Variants in PDE4B observed in about 807,000 individuals in gnomAD.
PDE4B encodes the protein 3',5'-cyclic-AMP phosphodiesterase 4B.
Under a neutral mutation model 82.2 loss-of-function variants are expected in PDE4B, and 20 were observed. The observed-to-expected ratio is 0.24, with a 90% CI of 0.17 to 0.35. The LOEUF (loss-of-function observed/expected upper bound fraction) is 0.35. Among genes scored for constraint, PDE4B ranks in the 10% least tolerant of loss-of-function variants. The pLI, the probability that PDE4B is intolerant of heterozygous loss-of-function variation, is 1.00. For synonymous variants in PDE4B, 320 were observed against 318.9 expected (o/e 1.00, Z -0.04); for missense variants, 655 against 907.2 (o/e 0.72, Z 3.57).
intron 3 of PDE4B, among the ~76,000 whole-genome samples, chr1:66,214,251 T>C (rs1305760444): frequency 1.2e-4 from 19 of 152,218 alleles, no homozygotes; most frequent in Non-Finnish European, 2.6e-4. Flanking sequence ...ATTTAGACTT[T>C]AAATGAAGAA....
In PDE4B at chr1:66,084,901, C is replaced by G. The variant is rs116218127; in HGVS notation, c.282-162559C>G. On this transcript the variant is annotated intron_variant, in intron 3 of 16. Transcript: ENST00000341517. ...CTTGTTTTGGTTGGAAACAGAGGTACTGATCAAGAAACCAAAGTGAACAGC... is the reference window on the plus strand; with the variant it reads ...CTTGTTTTGGTTGGAAACAGAGGTAGTGATCAAGAAACCAAAGTGAACAGC... 6.7e-3 allele frequency among the ~76,000 whole-genome samples: 1,026 copies of G among 152,184 alleles called. 14 individuals carry two copies. Among genetic ancestry groups the G allele is most frequent in the African/African-American group, 0.023 (954 of 41,520 alleles).
intron 4 of PDE4B, among the ~76,000 whole-genome samples, chr1:66,250,756 G>C (rs12036928): frequency 6.6e-6 from 1 of 152,206 alleles, no homozygotes; most frequent in African/African-American, 2.4e-5. Flanking sequence ...AGTAAGGCCA[G>C]TTTTACTGCT....
chr1:66,269,917 A>G (rs1022302716), intron 7 of PDE4B, among the ~76,000 whole-genome samples: 1 of 152,238 alleles, frequency 6.6e-6, no homozygotes, highest in Non-Finnish European at 1.5e-5. Flanking sequence ...TTAGCAGCCA[A>G]TTTGATACAT....
chr1:66,159,405 A>AT (rs1185555240), intron 3 of PDE4B, among the ~76,000 whole-genome samples: 6,574 of 138,598 alleles, frequency 0.047, 209 homozygotes, highest in African/African-American at 0.093. Context: ...ACGCCCAGCT[A>AT]TTTTTTTTTT....
chr1:65,904,985 C>T (rs1392629137), intron 1 of PDE4B, among the ~76,000 whole-genome samples: 1 of 152,124 alleles, frequency 6.6e-6, no homozygotes, highest in African/African-American at 2.4e-5. Context: ...GATTCTATTT[C>T]CTGCCCCCTC....
intron 3 of PDE4B, among the ~76,000 whole-genome samples, chr1:66,100,872 T>C (rs1286734431): frequency 6.6e-6 from 1 of 152,224 alleles, no homozygotes; most frequent in Non-Finnish European, 1.5e-5. Context: ...AGGGTACATG[T>C]GCACAACGTG....
At chr1:66,045,292 T>G (rs1298095603) in intron 3 of PDE4B, among the ~76,000 whole-genome samples, 1 of 151,762 alleles carries the variant, frequency 6.6e-6, no homozygotes, top group Admixed American at 6.6e-5. Flanking sequence ...CCCTTCATTT[T>G]AGAATCTCAA....
At chr1:65,901,171 T>C (rs1394533261) in intron 1 of PDE4B, among the ~76,000 whole-genome samples, 1 of 152,098 alleles carries the variant, frequency 6.6e-6, no homozygotes, top group Non-Finnish European at 1.5e-5. Context: ...GAAGGGATGT[T>C]GGATTTTATT....
At chr1:65,953,478 G>T (rs566497857) in intron 3 of PDE4B, among the ~76,000 whole-genome samples, 56 of 152,098 alleles carry the variant, frequency 3.7e-4, no homozygotes, top group Non-Finnish European at 3.2e-4. Context: ...CAGAGAAGGA[G>T]ATGTAACAAA....
intron 3 of PDE4B, among the ~76,000 whole-genome samples, chr1:66,105,229 T>A (rs909383245): frequency 4.1e-5 from 6 of 145,878 alleles, no homozygotes; most frequent in Non-Finnish European, 9.2e-5. Context: ...TTGTCATGTT[T>A]GTCAAAGATC....
At chr1:66,108,342 A>G (rs1019319685) in intron 3 of PDE4B, among the ~76,000 whole-genome samples, 1 of 151,992 alleles carries the variant, frequency 6.6e-6, no homozygotes, top group African/African-American at 2.4e-5. Context: ...TGAGACTGTG[A>G]AACTACTAGA....
intron 1 of PDE4B, among the ~76,000 whole-genome samples, chr1:65,881,643 A>G (rs914212767): frequency 6.6e-6 from 1 of 152,150 alleles, no homozygotes; most frequent in Admixed American, 6.6e-5. Flanking sequence ...ACGACCCACA[A>G]TGGGCATAGT....
At chr1:66,324,912 C>T (rs1216837310) in intron 7 of PDE4B, among the ~76,000 whole-genome samples, 5 of 152,046 alleles carry the variant, frequency 3.3e-5, no homozygotes, top group South Asian at 2.1e-4. Flanking sequence ...GAGTGTGCTT[C>T]ATTTACCAAA....
At chr1:66,154,841 G>A (rs1285503875) in intron 3 of PDE4B, among the ~76,000 whole-genome samples, 1 of 152,122 alleles carries the variant, frequency 6.6e-6, no homozygotes, top group African/African-American at 2.4e-5. Context: ...GCCCCTTGTG[G>A]TTGCAGAATG....
chr1:66,194,047 C>T (rs138150285), intron 3 of PDE4B, among the ~76,000 whole-genome samples: 2 of 150,818 alleles, frequency 1.3e-5, no homozygotes, highest in East Asian at 2.0e-4. Flanking sequence ...TCATAGCTAA[C>T]CTAAATCCCT....
intron 3 of PDE4B, among the ~76,000 whole-genome samples, chr1:65,951,841 A>G (rs1323227378): frequency 1.6e-4 from 24 of 152,038 alleles, no homozygotes; most frequent in Admixed American, 1.6e-3. Context: ...CTTTTTAGCC[A>G]TAAAAATTCC....
At chr1:66,338,035 A>G (rs1660661065) in intron 8 of PDE4B, among the ~76,000 whole-genome samples, 1 of 152,250 alleles carries the variant, frequency 6.6e-6, no homozygotes, top group Non-Finnish European at 1.5e-5. Context: ...CAGTTTATTG[A>G]TTGAATAATA....
chr1:66,129,685 A>C (rs908930633), intron 3 of PDE4B, among the ~76,000 whole-genome samples: 10,416 of 69,182 alleles, frequency 0.15, 1,123 homozygotes, highest in African/African-American at 0.31. Context: ...AAAAAACAAA[A>C]AAACAAAAAA....
At chr1:66,332,247 A>G (rs1660169487) in intron 7 of PDE4B, 1 of 1,455,586 alleles carries the variant, frequency 6.9e-7, no homozygotes, top group South Asian at 1.4e-5. Context: ...TCTTCCTCAG[A>G]GGAAGTTTCT....
Sources: gnomAD v4.1 joint callset for allele counts (sites outside exome capture counted in the v4.1 genomes callset) on GRCh38, gnomAD v4.1.1 for gene constraint, MANE v1.5 for transcripts, NCBI Gene and HGNC (gene_info 2026-07-23, HGNC 2026-07-21) for gene names.